AKAP11: variants seen among roughly 807,000 people sequenced by gnomAD.
The protein encoded by AKAP11 is A-kinase anchoring protein 11.
AKAP11 carries 36 observed loss-of-function variants against 146.1 expected under a neutral mutation model. The ratio of observed to expected loss-of-function variants is 0.25; its 90% CI spans 0.19 to 0.33. AKAP11 has a LOEUF of 0.33. Ranked by LOEUF, AKAP11 falls within the 10% of genes least tolerant of loss-of-function variation. AKAP11 has a pLI of 1.00. For missense variants in AKAP11, 2,201 were observed against 2,197.0 expected (o/e 1.00, Z -0.04); for synonymous variants, 780 against 786.5 (o/e 0.99, Z 0.14).
chr13:42,278,337 T>C (rs904160409), intron 1 of AKAP11, among the ~76,000 whole-genome samples: 1 of 152,242 alleles, frequency 6.6e-6, no homozygotes, highest in African/African-American at 2.4e-5. Context: ...GTAGTAGTTT[T>C]AGATTTTGTA....
Position 42,301,972 on chromosome 13 carries a change from G to A in AKAP11, c.3226G>A (p.Ala1076Thr), listed in dbSNP as rs770630794. ...FPHSHTFSST[A>T]LTCVDGLHVE... ...TCATTCACATACTTTCTCATCTACA[G>A]CACTTACCTGTGTAGATGGTTTGCA... Residue 1076 changes from alanine (A) to threonine (T), a missense_variant, in exon 8 of 13, where the codon GCA (alanine) becomes ACA (threonine). Physicochemically the swap from Ala to Thr is moderately conservative, Grantham distance 58. This residue lies in a region of AKAP11 where 1,867 missense variants were observed against 1,833.5 expected (regional missense o/e 1.02). Transcript: ENST00000025301. 10 of 1,613,958 alleles carry A rather than the reference G, an allele frequency of 6.2e-6. No individual in the cohort carries two copies. The highest frequency in any genetic ancestry group is 7.6e-6 in the Non-Finnish European group (9 of 1,179,976).
chr13:42,279,703 T>C (rs190726055), intron 1 of AKAP11, among the ~76,000 whole-genome samples: 1 of 152,318 alleles, frequency 6.6e-6, no homozygotes, highest in African/African-American at 2.4e-5. Context: ...TTTTTTCTCT[T>C]GGTTATGGTT....
chr13:42,283,563 A>G (rs567153463), intron 1 of AKAP11, among the ~76,000 whole-genome samples: 2 of 152,206 alleles, frequency 1.3e-5, no homozygotes, highest in African/African-American at 4.8e-5. Context: ...CAAATCCCGG[A>G]TGTTGTTTCA....
At chr13:42,286,428 G>A (rs191885574) in intron 3 of AKAP11, 29 bp downstream of exon 3, 10 of 1,533,400 alleles carry the variant, frequency 6.5e-6, no homozygotes, top group Middle Eastern at 1.7e-4. Flanking sequence ...GTTTCTTTTA[G>A]TGAAAGTTTT....
upstream of AKAP11, among the ~76,000 whole-genome samples, chr13:42,271,716 GC>G (rs1161735082): frequency 2.6e-5 from 4 of 152,134 alleles, no homozygotes; most frequent in African/African-American, 9.6e-5. Flanking sequence ...GAAGGGTTAA[GC>G]CGTTTCCAAG....
At chr13:42,271,823 A>G (rs1958772545), upstream of AKAP11, among the ~76,000 whole-genome samples, 2 of 151,822 alleles carry the variant, frequency 1.3e-5, no homozygotes, top group South Asian at 4.2e-4. Context: ...CGGCCAATGG[A>G]GAGGCCCCCT....
At chr13:42,314,026 C>T (rs1256989303) in intron 11 of AKAP11, 86 bp downstream of exon 11, 1 of 1,345,844 alleles carries the variant, frequency 7.4e-7, no homozygotes, top group Non-Finnish European at 1.1e-6. Flanking sequence ...ATCAGATAGG[C>T]TCTAGGTTAT....
chr13:42,316,996 G>A (rs993117221), intron 11 of AKAP11, among the ~76,000 whole-genome samples: 6 of 152,136 alleles, frequency 3.9e-5, no homozygotes, highest in Non-Finnish European at 8.8e-5. Context: ...TTGTGCCACA[G>A]CCTCCTGAGT....
At position 42,301,214 on chromosome 13, in the gene AKAP11, C is replaced by G; in HGVS notation, c.2468C>G (p.Thr823Arg). Residue 823 changes from threonine to arginine, a missense_variant, in exon 8 of 13, where the codon ACA becomes AGA. Around this residue, in one of 3 missense-constraint regions of AKAP11, gnomAD observed 1,867 missense variants for 1,833.5 expected, o/e 1.02. Coordinates refer to ENST00000025301, the MANE Select transcript of AKAP11 (RefSeq NM_016248.4). ...GATTCTGCCCAAGTGCATATTGCCA[C>G]AAAAAACAGAGAAGAAAAAGCAGCT... Reference protein sequence around the residue: ...NGDSAQVHIATKNREEKAACL... With the variant: ...NGDSAQVHIARKNREEKAACL... The G allele has an allele frequency of 6.2e-7, 1 of 1,613,906 alleles. No individual in the cohort carries two copies.
chr13:42,305,087 T>G (rs979474667), intron 8 of AKAP11, among the ~76,000 whole-genome samples: 1 of 152,302 alleles, frequency 6.6e-6, no homozygotes, highest in East Asian at 1.9e-4. Context: ...TTAGTTACAG[T>G]TTTTCAGTTT....
At chr13:42,288,293 A>G (rs1566261308) in intron 3 of AKAP11, among the ~76,000 whole-genome samples, 1 of 152,216 alleles carries the variant, frequency 6.6e-6, no homozygotes, top group Non-Finnish European at 1.5e-5. Context: ...CTAACATTTT[A>G]TTATGAAAAA....
intron 1 of AKAP11, among the ~76,000 whole-genome samples, chr13:42,283,020 C>T (rs1959096048): frequency 6.6e-6 from 1 of 152,144 alleles, no homozygotes; most frequent in Non-Finnish European, 1.5e-5. Flanking sequence ...GATGTGCTCT[C>T]TAATTATATA....
chr13:42,319,292 T>C lies in AKAP11; in HGVS notation c.*64T>C. ...GGAGGGGAACAAGCCAATAAAGATGTTTAGGATAAAATTTGAATAGTGAAT... is the reference window on the plus strand; with the variant it reads ...GGAGGGGAACAAGCCAATAAAGATGCTTAGGATAAAATTTGAATAGTGAAT... On this transcript the variant is annotated 3_prime_UTR_variant, in exon 13 of 13. Transcript: ENST00000025301. The C allele has an allele frequency of 6.4e-7, 1 of 1,562,988 alleles. No individual in the cohort carries two copies. Among genetic ancestry groups the C allele is most frequent in the Non-Finnish European group, 8.6e-7 (1 of 1,157,848 alleles).
At position 42,320,339 on chromosome 13, in the gene AKAP11, A is replaced by C. The variant is rs1346781028; in HGVS notation, c.*1111A>C. 1 of 125,944 alleles carries C rather than the reference A, an allele frequency of 7.9e-6. No homozygotes were observed. The highest frequency in any genetic ancestry group is 3.1e-5 in the African/African-American group (1 of 32,526). 7.8% of individuals were successfully genotyped at this position (125,944 alleles called of 1,614,324 possible). On this transcript the variant is annotated 3_prime_UTR_variant, in exon 13 of 13. Coordinates refer to ENST00000025301, the MANE Select transcript of AKAP11 (RefSeq NM_016248.4). ...CCACCCCGCCCCACCCAGATAAACT[A>C]TATCTACACTGTCTCGTCAAGTTCT...
rs1959161074 is a variant in AKAP11, at chr13:42,286,011, A to G, written c.-74A>G. ...ATCTTTCTCTTTGACACTTTGCAAT[A>G]AAAAAGGGCAGTGAGATTGAATAGG... On this transcript the variant is annotated 5_prime_UTR_variant, in exon 2 of 13. In the 5' UTR this introduces an upstream ATG that the reference lacks. Coordinates refer to ENST00000025301, the MANE Select transcript of AKAP11 (RefSeq NM_016248.4). 1 of 160,648 alleles carries G rather than the reference A, an allele frequency of 6.2e-6. No individual in the cohort carries two copies. Among genetic ancestry groups the G allele is most frequent in the South Asian group, 2.0e-4 (1 of 4,934 alleles). 10.0% of individuals were successfully genotyped at this position (160,648 alleles called of 1,614,324 possible).
At chr13:42,309,166 A>G (rs1960430497) in intron 9 of AKAP11, among the ~76,000 whole-genome samples, 2 of 152,224 alleles carry the variant, frequency 1.3e-5, no homozygotes, top group Non-Finnish European at 2.9e-5. Context: ...CTTACCTCAT[A>G]TATAACTTTT....
upstream of AKAP11, among the ~76,000 whole-genome samples, chr13:42,271,885 C>T (rs1057289641): frequency 2.0e-5 from 3 of 151,654 alleles, no homozygotes; most frequent in African/African-American, 7.3e-5. Flanking sequence ...GCGGGCTGCA[C>T]TGGAGCACGT....
chr13:42,276,414 T>G (rs1958919654), intron 1 of AKAP11, among the ~76,000 whole-genome samples: 1 of 152,064 alleles, frequency 6.6e-6, no homozygotes, highest in African/African-American at 2.4e-5. Context: ...GCCTAGCTAA[T>G]TTTTATATTT....
rs565424990 is a variant in AKAP11, at chr13:42,277,847, C to T, written c.-100+5619C>T. 3.0e-4 allele frequency among the ~76,000 whole-genome samples: 45 copies of T among 152,284 alleles called. 1 individual carries two copies. Among genetic ancestry groups the T allele is most frequent in the African/African-American group, 9.4e-4 (39 of 41,564 alleles). On this transcript the variant is annotated intron_variant, in intron 1 of 12. Coordinates refer to ENST00000025301, the MANE Select transcript of AKAP11 (RefSeq NM_016248.4). ...TGTATCCCAATCACTGTTACTTAGACGCTTGGTGAATGTATGTGTTGAACG... is the reference window on the plus strand; with the variant it reads ...TGTATCCCAATCACTGTTACTTAGATGCTTGGTGAATGTATGTGTTGAACG...
Sources: gnomAD v4.1 joint callset for allele counts (sites outside exome capture counted in the v4.1 genomes callset) on GRCh38, gnomAD v4.1.1 for gene constraint, gnomAD v4.1.1 regional missense constraint, MANE v1.5 for transcripts, NCBI Gene and HGNC (gene_info 2026-07-23, HGNC 2026-07-21) for gene names.